The following AMN1 variants were observed in gnomAD, a reference collection of about 807,000 sequenced individuals.
AMN1 encodes the protein antagonist of mitotic exit network 1 homolog.
AMN1 carries 20 observed loss-of-function variants against 33.0 expected under a neutral mutation model. The ratio of observed to expected loss-of-function variants is 0.61; its 90% CI spans 0.43 to 0.88. The LOEUF (loss-of-function observed/expected upper bound fraction) is 0.88, where lower values mean the gene tolerates loss of function less well. Ranked by LOEUF, AMN1 falls within the 40% of genes least tolerant of loss-of-function variation. The pLI is 0.00. For missense variants in AMN1, 246 were observed against 307.4 expected (o/e 0.80, Z 1.49); for synonymous variants, 114 against 111.9 (o/e 1.02, Z -0.12).
chr12:31,707,579 G>T (rs994809889), intron 2 of AMN1, among the ~76,000 whole-genome samples: 1 of 152,126 alleles, frequency 6.6e-6, no homozygotes, highest in Non-Finnish European at 1.5e-5. Flanking sequence ...CTAATGAATT[G>T]TTTGATAACC....
chr12:31,700,931 C>T (rs948355299), intron 3 of AMN1, among the ~76,000 whole-genome samples: 3 of 151,978 alleles, frequency 2.0e-5, no homozygotes, highest in Non-Finnish European at 4.4e-5. Flanking sequence ...CCTCGTGATC[C>T]ACCCGCCTAG....
intron 1 of AMN1, among the ~76,000 whole-genome samples, chr12:31,719,519 A>T (rs754758901): frequency 6.6e-6 from 1 of 152,170 alleles, no homozygotes; most frequent in Non-Finnish European, 1.5e-5. Context: ...AGATCTAGTG[A>T]TTGTAAGAAC....
At position 31,727,173 on chromosome 12, in the gene AMN1, C is replaced by T. The variant is rs898494771; in HGVS notation, c.38+1798G>A. Among the ~76,000 whole-genome samples, 8 of 152,266 alleles carry T rather than the reference C, an allele frequency of 5.3e-5. 1 individual carries two copies. The highest frequency in any genetic ancestry group is 5.2e-4 in the Admixed American group (8 of 15,290). The stretch of plus-strand genomic sequence containing the variant: ...CCTGGCCTACCCTTTGCTTTTCTAA[C>T]AGCTGCATAATATTCCATGGTAACT... On this transcript the variant is annotated intron_variant, in intron 1 of 6. Transcript: ENST00000281471.
chr12:31,673,100 A>G (rs534643297), intron 6 of AMN1: 1 of 152,330 alleles, frequency 6.6e-6, no homozygotes, highest in Admixed American at 6.5e-5. Flanking sequence ...AATTAAAGCA[A>G]AAATACTGAT....
chr12:31,674,516 CATAGATA>C (rs1451969665), intron 6 of AMN1, among the ~76,000 whole-genome samples: 7 of 152,036 alleles, frequency 4.6e-5, no homozygotes, highest in African/African-American at 1.4e-4. Context: ...TTTGGGCCTA[CATAGATA>C]ATACAGAATG....
rs374223222 is a variant in AMN1 at position 31,727,218 on chromosome 12, C to A, written c.38+1753G>T. On this transcript the variant is annotated intron_variant, in intron 1 of 6. Transcript: ENST00000281471. Reference sequence around the variant, plus strand: ...GTAACTCTCCCATTCCAGCTCCATGCCACCAGAAATAATTCTGCAAAGAAC... The same window carrying A: ...GTAACTCTCCCATTCCAGCTCCATGACACCAGAAATAATTCTGCAAAGAAC... Among the ~76,000 whole-genome samples, 8 of 152,308 alleles carry A rather than the reference C, an allele frequency of 5.3e-5. No homozygotes were observed. In the East Asian group the frequency reaches 1.5e-3, roughly 29 times the overall value.
intron 2 of AMN1, among the ~76,000 whole-genome samples, chr12:31,702,320 T>C (rs879713865): frequency 6.6e-6 from 1 of 152,216 alleles, no homozygotes; most frequent in Non-Finnish European, 1.5e-5. Context: ...AATAATCTTC[T>C]GGTAGCTGCT....
intron 2 of AMN1, among the ~76,000 whole-genome samples, chr12:31,707,375 A>G: frequency 6.6e-6 from 1 of 152,202 alleles, no homozygotes; most frequent in East Asian, 1.9e-4. Flanking sequence ...TGTGTATGGA[A>G]GGCTAATGGG....
chr12:31,680,435 A>G (rs1937953955), intron 6 of AMN1, among the ~76,000 whole-genome samples: 1 of 152,154 alleles, frequency 6.6e-6, no homozygotes, highest in South Asian at 2.1e-4. Flanking sequence ...TCCTGACCTC[A>G]GGTGATCCGC....
At chr12:31,724,250 G>A (rs976474950) in intron 1 of AMN1, among the ~76,000 whole-genome samples, 5 of 152,268 alleles carry the variant, frequency 3.3e-5, no homozygotes, top group Non-Finnish European at 7.4e-5. Context: ...CAAGGATTGG[G>A]TGGAAAAATA....
intron 6 of AMN1, among the ~76,000 whole-genome samples, chr12:31,680,332 C>G (rs919068846): frequency 6.6e-6 from 1 of 151,762 alleles, no homozygotes. Context: ...TCCCAAATAC[C>G]TGGGATTATA....
At chr12:31,675,412 CCT>C (rs1461482432) in intron 6 of AMN1, among the ~76,000 whole-genome samples, 6 of 151,648 alleles carry the variant, frequency 4.0e-5, no homozygotes, top group Non-Finnish European at 7.4e-5. Context: ...AGAGCAAGAC[CCT>C]GTCTCAAAAA....
At chr12:31,686,389 G>C (rs545797217) in intron 6 of AMN1, among the ~76,000 whole-genome samples, 1 of 152,154 alleles carries the variant, frequency 6.6e-6, no homozygotes, top group Admixed American at 6.5e-5. Context: ...AGGTTGCAGT[G>C]AGCCAAGATC....
intron 2 of AMN1, among the ~76,000 whole-genome samples, chr12:31,702,781 A>AG (rs879789298): frequency 1.2e-4 from 18 of 152,224 alleles, no homozygotes; most frequent in Non-Finnish European, 2.5e-4. Flanking sequence ...CTTGTTGCCC[A>AG]GGCTGGAGTG....
Position 31,721,388 on chromosome 12 carries a change from AC to A in AMN1, c.38+7582del, listed in dbSNP as rs763343959. Among the ~76,000 whole-genome samples, 11 of 151,908 alleles carry A rather than the reference AC, an allele frequency of 7.2e-5. 1 individual carries two copies. The highest frequency in any genetic ancestry group is 1.9e-4 in the East Asian group (1 of 5,174). On this transcript the variant is annotated intron_variant, in intron 1 of 6. Coordinates refer to ENST00000281471, the MANE Select transcript of AMN1 (RefSeq NM_001113402.2). ...GCAAGAGGGAAATATCATCCTCAAC[AC>A]CCTCAGCATTCCCTGTGAGCCAACC...
chr12:31,686,170 G>C (rs960799376), intron 6 of AMN1, among the ~76,000 whole-genome samples: 1 of 152,092 alleles, frequency 6.6e-6, no homozygotes, highest in African/African-American at 2.4e-5. Context: ...TTTAGGCCAG[G>C]CATGGTGATT....
chr12:31,685,855 A>T lies in AMN1; in HGVS notation c.703+3152T>A, dbSNP rs1336960723. The stretch of plus-strand genomic sequence containing the variant: ...GGAATGCTCAACCGCATTTGTTATT[A>T]TTTTTTTTTTTTTGGAAACGGAGTT... On this transcript the variant is annotated intron_variant, in intron 6 of 6. Coordinates refer to ENST00000281471, the MANE Select transcript of AMN1 (RefSeq NM_001113402.2). Among the ~76,000 whole-genome samples, 90 of 142,614 alleles carry T rather than the reference A, an allele frequency of 6.3e-4. No homozygotes were observed. In the East Asian group the frequency reaches 0.017, roughly 28 times the overall value. The allele number at this position is 142,614 out of a possible 152,430, so 93.6% of individuals were successfully genotyped here.
intron 6 of AMN1, among the ~76,000 whole-genome samples, chr12:31,685,672 G>A (rs894028569): frequency 5.3e-5 from 8 of 151,880 alleles, no homozygotes; most frequent in African/African-American, 9.7e-5. Context: ...CTGGTGGCGG[G>A]CGTCTGTAAT....
chr12:31,696,763 C>T (rs1214855118), intron 5 of AMN1, among the ~76,000 whole-genome samples: 6 of 151,772 alleles, frequency 4.0e-5, no homozygotes, highest in Non-Finnish European at 7.4e-5. Flanking sequence ...CCCGTCTCTA[C>T]TAAAAATACA....
Sources: gnomAD v4.1 joint callset for allele counts (sites outside exome capture counted in the v4.1 genomes callset) on GRCh38, gnomAD v4.1.1 for gene constraint, MANE v1.5 for transcripts, NCBI Gene and HGNC (gene_info 2026-07-23, HGNC 2026-07-21) for gene names.